Variants in HIVEP3 observed in about 807,000 individuals in gnomAD.
The protein encoded by HIVEP3 is HIVEP zinc finger 3, also known as transcription factor HIVEP3.
HIVEP3 carries 49 observed loss-of-function variants against 152.8 expected under a neutral mutation model. The observed-to-expected ratio is 0.32, with a 90% CI of 0.26 to 0.41. The LOEUF (loss-of-function observed/expected upper bound fraction) is 0.41. HIVEP3 is among the 10% of genes least tolerant of loss of function. The pLI is 1.00. For missense variants in HIVEP3, 2,790 were observed against 3,103.3 expected (o/e 0.90, Z 2.40); for synonymous variants, 1,269 against 1,289.0 (o/e 0.98, Z 0.33).
At chr1:41,527,384 G>T (rs538949776) in intron 5 of HIVEP3, among the ~76,000 whole-genome samples, 30 of 38,798 alleles carry the variant, frequency 7.7e-4, no homozygotes, top group African/African-American at 3.7e-3. Flanking sequence ...ACTCACACTC[G>T]CACTCACACT....
rs144860235 is a variant in HIVEP3 at position 41,984,274 on chromosome 1, T to C, written n.119+51533A>G. ...GACATGAGCCACTGCACTGGGCCCA[T>C]ACTATGTATTTTTTGGCCAAATAAT... On this transcript the variant is annotated intron_variant and non_coding_transcript_variant, in intron 1 of 3. Transcript: ENST00000489103. Among the ~76,000 whole-genome samples, 6 of 152,268 alleles carry C rather than the reference T, an allele frequency of 3.9e-5. No individual in the cohort carries two copies. In the East Asian group the frequency reaches 1.2e-3, roughly 29 times the overall value.
intron 3 of HIVEP3, among the ~76,000 whole-genome samples, chr1:41,588,012 G>A (rs938480984): frequency 4.6e-5 from 7 of 152,178 alleles, no homozygotes; most frequent in Admixed American, 2.6e-4. Flanking sequence ...TGCAGCTGCT[G>A]GACAGAAGAA....
At chr1:41,531,355 G>A (rs1388880192) in intron 5 of HIVEP3, among the ~76,000 whole-genome samples, 1 of 146,806 alleles carries the variant, frequency 6.8e-6, no homozygotes, top group Non-Finnish European at 1.5e-5. Flanking sequence ...AGGGGAGATG[G>A]AGGACAGGAG....
At chr1:41,996,476 G>A (rs1234520237) in intron 1 of HIVEP3, among the ~76,000 whole-genome samples, 1 of 151,920 alleles carries the variant, frequency 6.6e-6, no homozygotes, top group Non-Finnish European at 1.5e-5. Context: ...AGAGATAACT[G>A]ATATATCTGA....
intron 2 of HIVEP3, among the ~76,000 whole-genome samples, chr1:41,689,793 G>A (rs1363558231): frequency 6.6e-6 from 1 of 152,256 alleles, no homozygotes; most frequent in African/African-American, 2.4e-5. Flanking sequence ...GAAGTGCCAA[G>A]ACAAGTTGAA....
intron 1 of HIVEP3, among the ~76,000 whole-genome samples, chr1:41,762,512 C>G (rs1647759170): frequency 6.6e-6 from 1 of 152,214 alleles, no homozygotes; most frequent in African/African-American, 2.4e-5. Context: ...AACACCTGCT[C>G]TGGGGCTTCA....
chr1:41,964,488 C>T (rs1645187076), intron 1 of HIVEP3, among the ~76,000 whole-genome samples: 1 of 152,168 alleles, frequency 6.6e-6, no homozygotes, highest in African/African-American at 2.4e-5. Context: ...GCTCAGTGGC[C>T]ACTGGCAGCA....
At chr1:41,571,853 G>A (rs571761732) in intron 5 of HIVEP3, among the ~76,000 whole-genome samples, 4 of 152,170 alleles carry the variant, frequency 2.6e-5, no homozygotes, top group South Asian at 4.1e-4. Flanking sequence ...AGCCACAGAC[G>A]GCTCTGGAGA....
intron 5 of HIVEP3, among the ~76,000 whole-genome samples, chr1:41,559,279 A>G (rs1644019527): frequency 6.6e-6 from 1 of 152,104 alleles, no homozygotes; most frequent in South Asian, 2.1e-4. Context: ...CCTTCTTCTG[A>G]GTCGTGCTGT....
chr1:41,535,294 C>G (rs1643370522), intron 5 of HIVEP3: 2 of 152,224 alleles, frequency 1.3e-5, no homozygotes, highest in African/African-American at 4.8e-5. Flanking sequence ...GGGTGGAACC[C>G]CAGGTGTTGA....
chr1:41,894,687 T>C (rs536210089), intron 1 of HIVEP3, among the ~76,000 whole-genome samples: 3 of 152,184 alleles, frequency 2.0e-5, no homozygotes. Context: ...CACAATGTTT[T>C]CAAATATCGT....
Position 41,738,045 on chromosome 1 carries a change from C to T in HIVEP3, c.-800-37050G>A, listed in dbSNP as rs1355567912. Reference sequence around the variant, plus strand: ...CATGAAGCTCAGCCATGTGATCTGTCCAAGGCCAGAGCTGGTAGCACTGAA... The same window carrying T: ...CATGAAGCTCAGCCATGTGATCTGTTCAAGGCCAGAGCTGGTAGCACTGAA... On this transcript the variant is annotated intron_variant, in intron 1 of 8. Coordinates refer to ENST00000372583, the MANE Select transcript of HIVEP3 (RefSeq NM_024503.5). Among the ~76,000 whole-genome samples the T allele has an allele frequency of 2.6e-5, 4 of 152,324 alleles. No individual in the cohort carries two copies. The South Asian group carries it at 8.3e-4, about 32-fold the overall frequency.
rs74069919 is a variant in HIVEP3 at position 41,561,944 on chromosome 1, G to A, written c.5207+13600C>T. ...AAGACAGCATCTCTCTCCTCCTTGG[G>A]CAGAAAGACCACCTTAGCCTGAAGA... is the stretch of plus-strand genomic sequence containing the variant. On this transcript the variant is annotated intron_variant, in intron 5 of 8. Transcript: ENST00000372583. Among the ~76,000 whole-genome samples the A allele has an allele frequency of 1.2e-3, 189 of 152,252 alleles. 1 individual carries two copies. Among genetic ancestry groups the A allele is most frequent in the African/African-American group, 4.0e-3 (165 of 41,550 alleles).
At chr1:41,819,971 A>C (rs1045430647) in intron 1 of HIVEP3, among the ~76,000 whole-genome samples, 1 of 152,212 alleles carries the variant, frequency 6.6e-6, no homozygotes, top group African/African-American at 2.4e-5. Context: ...ATTGTAAAGC[A>C]AAAGCAGCCA....
intron 1 of HIVEP3, among the ~76,000 whole-genome samples, chr1:41,824,255 C>T (rs930133395): frequency 2.6e-5 from 4 of 152,160 alleles, no homozygotes; most frequent in African/African-American, 7.2e-5. Flanking sequence ...CCAAAGGCTC[C>T]GTCACCCTGG....
chr1:41,761,220 A>G (rs4660570), intron 1 of HIVEP3, among the ~76,000 whole-genome samples: 127,861 of 152,196 alleles, frequency 0.84, 56,332 homozygotes, highest in Non-Finnish European at 0.98. Flanking sequence ...GTGTATGCAT[A>G]TGTGTGTGTG....
At chr1:41,844,654 G>A (rs1027472039) in intron 1 of HIVEP3, among the ~76,000 whole-genome samples, 2 of 152,176 alleles carry the variant, frequency 1.3e-5, no homozygotes, top group Non-Finnish European at 2.9e-5. Context: ...TTGAAAACAA[G>A]TGCCAAGGTT....
At chr1:41,645,149 A>C (rs1645439880) in intron 2 of HIVEP3, among the ~76,000 whole-genome samples, 1 of 152,130 alleles carries the variant, frequency 6.6e-6, no homozygotes, top group Non-Finnish European at 1.5e-5. Flanking sequence ...CTGCTATCCC[A>C]GGCCTCCAAG....
chr1:41,771,565 T>C (rs1482990595), intron 1 of HIVEP3, among the ~76,000 whole-genome samples: 1 of 152,074 alleles, frequency 6.6e-6, no homozygotes, highest in Non-Finnish European at 1.5e-5. Flanking sequence ...GGCTGCTTTG[T>C]GGTTTTGGCA....
Sources: allele counts gnomAD v4.1 joint callset (sites outside exome capture counted in the v4.1 genomes callset), GRCh38; gene constraint gnomAD v4.1.1; transcripts MANE v1.5; gene names NCBI Gene and HGNC (gene_info 2026-07-23, HGNC 2026-07-21).